MTMR1: variants seen among roughly 807,000 people sequenced by gnomAD.
MTMR1 encodes the protein phosphatidylinositol-3-phosphate phosphatase MTMR1.
A neutral mutation model predicts 51.6 loss-of-function variants in MTMR1; 17 were observed. The ratio of observed to expected loss-of-function variants is 0.33; its 90% confidence interval spans 0.23 to 0.49. MTMR1 has a LOEUF of 0.49. Ranked by LOEUF, MTMR1 falls within the 20% of genes least tolerant of loss-of-function variation. The pLI is 0.99. For synonymous variants in MTMR1, 201 were observed against 205.6 expected (o/e 0.98, Z 0.19); for missense variants, 386 against 526.9 (o/e 0.73, Z 2.62).
chrX:150,725,062 T>C (rs1411617906), intron 4 of MTMR1, among the ~76,000 whole-genome samples: 2 of 111,899 alleles, frequency 1.8e-5, no homozygotes, highest in African/African-American at 3.2e-5. Context: ...TGGCTATTCT[T>C]TTTGGTTCCA....
In MTMR1 at chrX:150,755,695, T is replaced by C; in HGVS notation, c.1687T>C (p.Tyr563His). The C allele has an allele frequency of 8.5e-7, 1 of 1,176,273 alleles. No homozygotes were observed. Among genetic ancestry groups the C allele is most frequent in the Non-Finnish European group, 1.1e-6 (1 of 880,876 alleles). ...GTTCTTTTTTGTTTTTCAGGATGTATATACAAAGACGATATCTTTATGGTC... is the reference window on the plus strand; with the variant it reads ...GTTCTTTTTTGTTTTTCAGGATGTACATACAAAGACGATATCTTTATGGTC... Reference protein sequence around the residue: ...CEQQRFKEDVYTKTISLWSYI... With the variant: ...CEQQRFKEDVHTKTISLWSYI... The change falls in exon 15 of 16, where the codon TAT becomes CAT. Residue 563 changes from tyrosine (Y) to histidine (H), a missense_variant. Tyr to His is a moderately conservative substitution (Grantham distance 83, BLOSUM62 2). Coordinates refer to ENST00000445323, the MANE Select transcript of MTMR1 (RefSeq NM_001306144.3).
intron 10 of MTMR1, among the ~76,000 whole-genome samples, chrX:150,735,138 G>T (rs2042227458): frequency 8.9e-6 from 1 of 111,994 alleles, no homozygotes; most frequent in African/African-American, 3.2e-5. Context: ...CAGAAGCTAA[G>T]AGAGAGACAT....
intron 12 of MTMR1, among the ~76,000 whole-genome samples, chrX:150,739,773 T>G (rs1331048247): frequency 8.9e-6 from 1 of 112,523 alleles, no homozygotes; most frequent in Non-Finnish European, 1.9e-5. Context: ...ATGTGCAGCA[T>G]CTTGTTTAAT....
intron 13 of MTMR1, 71 bp downstream of exon 13, chrX:150,744,524 C>A (rs371615692): frequency 5.9e-5 from 49 of 827,579 alleles, no homozygotes; most frequent in African/African-American, 5.6e-4. Flanking sequence ...ACTATTATTG[C>A]TGTTTCATTC....
At chrX:150,751,281 G>C in intron 14 of MTMR1, 3 of 700,434 alleles carry the variant, frequency 4.3e-6, no homozygotes, top group Non-Finnish European at 5.2e-6. Flanking sequence ...TAGTAAAGAA[G>C]CAGTTACCAA....
At chrX:150,746,983 C>T (rs2042591459) in intron 13 of MTMR1, among the ~76,000 whole-genome samples, 1 of 111,541 alleles carries the variant, frequency 9.0e-6, no homozygotes, top group African/African-American at 3.3e-5. Context: ...GTAAAATTGT[C>T]AGAAATATCA....
At chrX:150,693,104 A>G (rs2040533675), upstream of MTMR1, 1 of 112,464 alleles carries the variant, frequency 8.9e-6, no homozygotes, top group South Asian at 3.7e-4. Flanking sequence ...AATGTCTTCA[A>G]ACTTCTTTTT....
At chrX:150,759,814 CAT>C (rs782735708) in intron 15 of MTMR1, among the ~76,000 whole-genome samples, 1 of 109,980 alleles carries the variant, frequency 9.1e-6, no homozygotes, top group Non-Finnish European at 1.9e-5. Context: ...TCTGTACACA[CAT>C]GATCCCAGTT....
At chrX:150,693,804 A>T (rs1348263577) in intron 1 of MTMR1, 128 bp downstream of exon 1, 2 of 396,726 alleles carry the variant, frequency 5.0e-6, no homozygotes, top group Admixed American at 1.9e-4. Flanking sequence ...GCCCCTCTTC[A>T]TCCCCTCTGG....
chrX:150,761,488 A>T (rs1217883765), intron 15 of MTMR1, among the ~76,000 whole-genome samples: 2 of 112,771 alleles, frequency 1.8e-5, no homozygotes, highest in Admixed American at 9.3e-5. Context: ...ACCTGGTGAA[A>T]GATGAGCCAG....
chrX:150,761,388 C>G lies in MTMR1; in HGVS notation c.1858-1177C>G, dbSNP rs189391471. ...GCCCCCTTGCGGTCTCGCTCTCATC[C>G]TCCTTCCGTCTCCCCCTTCCCTCCA... is the stretch of plus-strand genomic sequence containing the variant. On this transcript the variant is annotated intron_variant, in intron 15 of 15. Coordinates refer to ENST00000445323, the MANE Select transcript of MTMR1 (RefSeq NM_001306144.3). Among the ~76,000 whole-genome samples, 37 of 112,367 alleles carry G rather than the reference C, an allele frequency of 3.3e-4. No individual in the cohort carries two copies. In the East Asian group the frequency reaches 0.01, roughly 31 times the overall value.
At chrX:150,762,487 AG>A in intron 15 of MTMR1, 77 bp from the exon 16 acceptor site, 1 of 1,161,610 alleles carries the variant, frequency 8.6e-7, no homozygotes. Flanking sequence ...AAGCTCCTGA[AG>A]CCAACAGCAT....
chrX:150,717,357 CAAAAAAAAAAAA>C (rs35558897), intron 3 of MTMR1, among the ~76,000 whole-genome samples: 1 of 42,750 alleles, frequency 2.3e-5, no homozygotes, highest in Admixed American at 3.8e-4. Context: ...GACTCCATCT[CAAAAAAAAAAAA>C]AAAAAAAAAA....
At chrX:150,727,596 C>A (rs2041981728) in intron 5 of MTMR1, 88 bp from the exon 6 acceptor site, 8 of 728,993 alleles carry the variant, frequency 1.1e-5, no homozygotes, top group Non-Finnish European at 1.5e-5. Context: ...GCGAAGTAAA[C>A]AAACATGTTT....
Position 150,695,942 on chromosome X carries a change from G to A in MTMR1, c.146+2266G>A, listed in dbSNP as rs151152276. 5.5e-3 allele frequency among the ~76,000 whole-genome samples: 616 copies of A among 111,753 alleles called. 4 individuals are homozygous for A. The highest frequency in any genetic ancestry group is 0.019 in the African/African-American group (596 of 30,616). ...CATTCAGATGTGAGGGGGGAGTGCCGGGTGGACTCCAAGGCAAACCTCAGC... is the reference window on the plus strand; with the variant it reads ...CATTCAGATGTGAGGGGGGAGTGCCAGGTGGACTCCAAGGCAAACCTCAGC... On this transcript the variant is annotated intron_variant, in intron 1 of 15. Coordinates refer to ENST00000445323, the MANE Select transcript of MTMR1 (RefSeq NM_001306144.3).
At chrX:150,760,940 A>G (rs2043102731) in intron 15 of MTMR1, among the ~76,000 whole-genome samples, 1 of 109,242 alleles carries the variant, frequency 9.2e-6, no homozygotes, top group Non-Finnish European at 1.9e-5. Flanking sequence ...TCAAAAAAAA[A>G]AAAAAAAAGA....
intron 7 of MTMR1, 53 bp downstream of exon 7, chrX:150,730,263 T>C (rs1401883209): frequency 1.1e-6 from 1 of 875,326 alleles, no homozygotes; most frequent in Non-Finnish European, 1.6e-6. Flanking sequence ...GGTCCAAATA[T>C]CCTATGTTTA....
At chrX:150,743,581 CT>C (rs1190377922) in intron 12 of MTMR1, among the ~76,000 whole-genome samples, 4 of 111,360 alleles carry the variant, frequency 3.6e-5, no homozygotes, top group Non-Finnish European at 5.7e-5. Flanking sequence ...AGTATTTTTG[CT>C]CTTTCTAAGT....
chrX:150,736,863 T>A, intron 11 of MTMR1, 83 bp downstream of exon 11: 1 of 930,503 alleles, frequency 1.1e-6, no homozygotes, highest in Non-Finnish European at 1.4e-6. Context: ...TCCAAGTGCC[T>A]CTTGGCTGTG....
Sources: allele counts gnomAD v4.1 joint callset (sites outside exome capture counted in the v4.1 genomes callset), GRCh38; gene constraint gnomAD v4.1.1; transcripts MANE v1.5; gene names NCBI Gene and HGNC (gene_info 2026-07-23, HGNC 2026-07-21).